The following EYA2 variants were observed in gnomAD, a reference collection of about 807,000 sequenced individuals.
The protein encoded by EYA2 is EYA transcriptional coactivator and phosphatase 2, also known as protein phosphatase EYA2.
In EYA2, 31 loss-of-function variants were observed where a neutral mutation model predicts 69.2. That is an observed-to-expected ratio of 0.45 (90% CI 0.34 to 0.60). The LOEUF is 0.60. EYA2 is among the 20% of genes least tolerant of loss of function. EYA2 has a pLI of 0.02. For missense variants in EYA2, 622 were observed against 701.2 expected (o/e 0.89, Z 1.28); for synonymous variants, 257 against 279.4 (o/e 0.92, Z 0.80).
intron 2 of EYA2, among the ~76,000 whole-genome samples, chr20:46,995,865 A>G (rs1264334504): frequency 6.6e-6 from 1 of 152,244 alleles, no homozygotes; most frequent in Non-Finnish European, 1.5e-5. Context: ...CTCTGTGCTG[A>G]GCACTTAACC....
intron 1 of EYA2, among the ~76,000 whole-genome samples, chr20:46,951,812 C>G (rs1348134045): frequency 6.6e-6 from 1 of 152,210 alleles, no homozygotes; most frequent in Non-Finnish European, 1.5e-5. Flanking sequence ...TTCAACCTCT[C>G]AGAGCCTAAG....
In EYA2 at chr20:47,181,698, T is replaced by G. The variant is rs2034541001; in HGVS notation, c.1435+762T>G. Among the ~76,000 whole-genome samples, 3 of 147,592 alleles carry G rather than the reference T, an allele frequency of 2.0e-5. No homozygotes were observed. The South Asian group carries it at 6.4e-4, about 32-fold the overall frequency. ...ATTTTTAATTAGAAACCTTTTCCAT[T>G]GTTTTTTCTCTAGAGCAAAAAATAA... On this transcript the variant is annotated intron_variant, in intron 14 of 15. Coordinates refer to ENST00000327619, the MANE Select transcript of EYA2 (RefSeq NM_005244.5).
intron 11 of EYA2, 117 bp downstream of exon 11, chr20:47,169,314 C>A: frequency 2.1e-6 from 2 of 961,120 alleles, no homozygotes; most frequent in Admixed American, 1.7e-5. Context: ...GGAGTGCCTG[C>A]CTCCAGCCAG....
At chr20:47,174,777 G>A (rs2034395978) in intron 12 of EYA2, among the ~76,000 whole-genome samples, 1 of 152,240 alleles carries the variant, frequency 6.6e-6, no homozygotes, top group African/African-American at 2.4e-5. Flanking sequence ...GATGACGGAG[G>A]TTAAGTAACC....
intron 2 of EYA2, among the ~76,000 whole-genome samples, chr20:46,991,122 G>T (rs990047371): frequency 6.6e-6 from 1 of 152,204 alleles, no homozygotes; most frequent in African/African-American, 2.4e-5. Flanking sequence ...CGTGTAAACT[G>T]CCCAGGGGCC....
At chr20:46,963,348 C>T (rs534360577) in intron 1 of EYA2, among the ~76,000 whole-genome samples, 1 of 152,354 alleles carries the variant, frequency 6.6e-6, no homozygotes, top group African/African-American at 2.4e-5. Context: ...AGCAGATGCT[C>T]ACATCAGTCA....
intron 1 of EYA2, among the ~76,000 whole-genome samples, chr20:46,930,071 G>T (rs1432540551): frequency 6.6e-6 from 1 of 152,162 alleles, no homozygotes; most frequent in East Asian, 1.9e-4. Flanking sequence ...GCCTAAAACT[G>T]ACACATCAAG....
chr20:46,917,960 C>T (rs2146233503), intron 1 of EYA2, among the ~76,000 whole-genome samples: 1 of 152,232 alleles, frequency 6.6e-6, no homozygotes, highest in African/African-American at 2.4e-5. Flanking sequence ...TTTTATGAAA[C>T]ATTTCTCTGT....
intron 1 of EYA2, among the ~76,000 whole-genome samples, chr20:46,979,095 C>T (rs969815788): frequency 6.6e-6 from 1 of 152,226 alleles, no homozygotes; most frequent in Non-Finnish European, 1.5e-5. Context: ...CCTTAGCCGA[C>T]TGGCCATCTG....
At chr20:47,150,309 C>A (rs1487560075) in intron 10 of EYA2, among the ~76,000 whole-genome samples, 2 of 152,192 alleles carry the variant, frequency 1.3e-5, no homozygotes, top group African/African-American at 2.4e-5. Flanking sequence ...TTCTCACTGT[C>A]CCCCTGCTGT....
In EYA2 at chr20:47,117,670, G is replaced by A. The variant is rs60955768; in HGVS notation, c.888+20502G>A. On this transcript the variant is annotated intron_variant, in intron 9 of 15. Coordinates refer to ENST00000327619, the MANE Select transcript of EYA2 (RefSeq NM_005244.5). Reference sequence around the variant, plus strand: ...AAAAAGAAAAAGAAAAAGAAAACCCGGTTTTATGACGCAGCAGTTAAAAAC... The same window carrying A: ...AAAAAGAAAAAGAAAAAGAAAACCCAGTTTTATGACGCAGCAGTTAAAAAC... 6.4e-3 allele frequency: 6,326 copies of A among 985,286 alleles called. 287 individuals carry two copies. The African/African-American group carries it at 0.098, about 15-fold the overall frequency. The allele number at this position is 985,286 out of a possible 1,614,324, so 61.0% of individuals were successfully genotyped here.
intron 7 of EYA2, among the ~76,000 whole-genome samples, chr20:47,080,766 G>A (rs893679977): frequency 6.6e-6 from 1 of 152,088 alleles, no homozygotes; most frequent in African/African-American, 2.4e-5. Flanking sequence ...ATCTTACGTG[G>A]ATGGCAGCAG....
intron 1 of EYA2, among the ~76,000 whole-genome samples, chr20:46,895,768 A>G (rs1437886679): frequency 1.3e-5 from 2 of 152,146 alleles, no homozygotes; most frequent in Non-Finnish European, 2.9e-5. Context: ...CCCCAGCAAT[A>G]AATAGTTTAT....
At position 47,089,231 on chromosome 20, in the gene EYA2, T is replaced by TGG; in HGVS notation, c.662-8_662-7insGG. 1.9e-6 allele frequency: 3 copies of TGG among 1,613,114 alleles called. No individual in the cohort carries two copies. Among genetic ancestry groups the TGG allele is most frequent in the Non-Finnish European group, 2.5e-6 (3 of 1,179,426 alleles). Reference sequence around the variant, plus strand: ...CTGATTTGTCCACCATTCCCTTTCTTACGCCAGGTGAATACAACACACACA... The same window carrying TGG: ...CTGATTTGTCCACCATTCCCTTTCTTGGACGCCAGGTGAATACAACACACACA... On this transcript the variant is annotated splice_polypyrimidine_tract_variant and splice_region_variant and intron_variant, in intron 7 of 15. Coordinates refer to ENST00000327619, the MANE Select transcript of EYA2 (RefSeq NM_005244.5).
At chr20:46,984,321 C>A (rs1320725206) in intron 1 of EYA2, among the ~76,000 whole-genome samples, 1 of 151,514 alleles carries the variant, frequency 6.6e-6, no homozygotes, top group African/African-American at 2.4e-5. Context: ...AAGAAATTTA[C>A]AGCATTCGAA....
At chr20:47,179,544 G>A (rs2034496524) in intron 12 of EYA2, among the ~76,000 whole-genome samples, 1 of 151,026 alleles carries the variant, frequency 6.6e-6, no homozygotes, top group South Asian at 2.1e-4. Context: ...ATAGATGGGT[G>A]GATAGGTGGG....
In EYA2 at chr20:47,144,310, C is replaced by T. The variant is rs1282852250; in HGVS notation, c.978+1162C>T. The stretch of plus-strand genomic sequence containing the variant: ...GGCGGACCTTGCGGTGAGCAGAGAT[C>T]GTGCCACTGCACTCCAGCCTGGCAA... On this transcript the variant is annotated intron_variant, in intron 10 of 15. Transcript: ENST00000327619. Among the ~76,000 whole-genome samples, 4 of 149,412 alleles carry T rather than the reference C, an allele frequency of 2.7e-5. No individual in the cohort carries two copies. In the East Asian group the frequency reaches 7.9e-4, roughly 29 times the overall value.
intron 2 of EYA2, among the ~76,000 whole-genome samples, chr20:46,992,261 G>A (rs1981725798): frequency 6.6e-6 from 1 of 152,158 alleles, no homozygotes; most frequent in East Asian, 1.9e-4. Context: ...TCTAAAAAGT[G>A]GGTACTGTTA....
At chr20:46,982,411 C>T (rs1980891699) in intron 1 of EYA2, among the ~76,000 whole-genome samples, 2 of 152,342 alleles carry the variant, frequency 1.3e-5, no homozygotes, top group South Asian at 4.1e-4. Context: ...TTAACCATCA[C>T]ATACCCAGGA....
Sources: allele counts gnomAD v4.1 joint callset (sites outside exome capture counted in the v4.1 genomes callset), GRCh38; gene constraint gnomAD v4.1.1; transcripts MANE v1.5; gene names NCBI Gene and HGNC (gene_info 2026-07-23, HGNC 2026-07-21).